Variants in TLL1 observed in about 807,000 individuals in gnomAD.
The protein encoded by TLL1 is tolloid-like protein 1.
In TLL1, 49 loss-of-function variants were observed where a neutral mutation model predicts 128.2. The observed-to-expected ratio is 0.38, with a 90% CI of 0.30 to 0.48. The LOEUF (loss-of-function observed/expected upper bound fraction) is 0.48, where lower values mean the gene tolerates loss of function less well. TLL1 is among the 20% of genes least tolerant of loss of function. The pLI is 0.96. For synonymous variants in TLL1, 454 were observed against 418.8 expected (o/e 1.08, Z -1.03); for missense variants, 1,123 against 1,242.0 (o/e 0.90, Z 1.44).
chr4:166,026,666 G>A (rs1276151699), intron 9 of TLL1, among the ~76,000 whole-genome samples: 2 of 151,268 alleles, frequency 1.3e-5, no homozygotes, highest in East Asian at 3.9e-4. Flanking sequence ...CAGCCTGGAC[G>A]ATAAGAGCGA....
chr4:165,877,770 C>G (rs927984785), intron 1 of TLL1, among the ~76,000 whole-genome samples: 1 of 143,396 alleles, frequency 7.0e-6, no homozygotes, highest in African/African-American at 2.9e-5. Flanking sequence ...TCTTTCCCTT[C>G]TTCTTTCTTT....
intron 7 of TLL1, among the ~76,000 whole-genome samples, chr4:166,008,870 G>A (rs1403426353): frequency 1.3e-5 from 2 of 150,926 alleles, no homozygotes; most frequent in African/African-American, 2.4e-5. Flanking sequence ...GGCAAGGTCA[G>A]GAAAAGGGAA....
At chr4:165,877,789 T>C (rs533350709) in intron 1 of TLL1, among the ~76,000 whole-genome samples, 2,860 of 149,272 alleles carry the variant, frequency 0.019, 52 homozygotes, top group South Asian at 0.096. Context: ...TTTTTTTTTT[T>C]CTTTTTTTGT....
intron 1 of TLL1, among the ~76,000 whole-genome samples, chr4:165,898,634 G>C (rs1378939239): frequency 1.3e-5 from 2 of 152,184 alleles, no homozygotes; most frequent in Admixed American, 1.3e-4. Flanking sequence ...TGGTTTGCCA[G>C]TATTTTATTA....
At chr4:166,083,629 G>A (rs975900773) in intron 18 of TLL1, among the ~76,000 whole-genome samples, 1 of 122,756 alleles carries the variant, frequency 8.1e-6, no homozygotes, top group African/African-American at 2.5e-5. Flanking sequence ...ATGTAAGTGT[G>A]ACCATGTAGT....
intron 1 of TLL1, among the ~76,000 whole-genome samples, chr4:165,937,342 CAG>C (rs1208797617): frequency 6.6e-6 from 1 of 152,196 alleles, no homozygotes; most frequent in African/African-American, 2.4e-5. Flanking sequence ...CTCAAGGACA[CAG>C]GGGACATTAG....
intron 8 of TLL1, among the ~76,000 whole-genome samples, chr4:166,016,007 A>T (rs1164885017): frequency 6.6e-6 from 1 of 152,020 alleles, no homozygotes; most frequent in Non-Finnish European, 1.5e-5. Context: ...TGAGTTTTCA[A>T]AAATTTTTTG....
rs368078430 is a variant in TLL1 at position 165,873,875 on chromosome 4, C to G, written c.-30C>G. On this transcript the variant is annotated 5_prime_UTR_variant, in exon 1 of 21. Coordinates refer to ENST00000061240, the MANE Select transcript of TLL1 (RefSeq NM_012464.5). Reference sequence around the variant, plus strand: ...CCGCGGCTGCCTAACCTCTGGGTCCCGTCCCCTCCTTTTCCTCCGGGGGAG... The same window carrying G: ...CCGCGGCTGCCTAACCTCTGGGTCCGGTCCCCTCCTTTTCCTCCGGGGGAG... 253 of 1,612,632 alleles carry G rather than the reference C, an allele frequency of 1.6e-4. No individual in the cohort carries two copies. In the African/African-American group the frequency reaches 2.4e-3, roughly 15 times the overall value.
chr4:166,035,887 T>C (rs554110757), intron 9 of TLL1, among the ~76,000 whole-genome samples: 2 of 152,276 alleles, frequency 1.3e-5, no homozygotes, highest in South Asian at 4.1e-4. Flanking sequence ...CCATGGGTTA[T>C]AGTTTACTGA....
At chr4:166,025,496 A>G (rs1738455753) in intron 9 of TLL1, 65 bp downstream of exon 9, 2 of 1,289,104 alleles carry the variant, frequency 1.6e-6, no homozygotes, top group South Asian at 1.2e-5. Flanking sequence ...TCATCCTTCA[A>G]ATATAAATTT....
chr4:165,989,541 C>A, intron 2 of TLL1, 50 bp downstream of exon 2: 1 of 1,288,320 alleles, frequency 7.8e-7, no homozygotes, highest in Non-Finnish European at 1.1e-6. Context: ...AGAAAATATA[C>A]TCTTGAAGTG....
chr4:165,943,443 A>G (rs186522132), intron 1 of TLL1, among the ~76,000 whole-genome samples: 8 of 152,044 alleles, frequency 5.3e-5, no homozygotes, highest in Admixed American at 1.3e-4. Flanking sequence ...AATATTTTAT[A>G]TTTTTTATTT....
At chr4:166,005,733 T>C (rs6848520) in intron 6 of TLL1, among the ~76,000 whole-genome samples, 78,327 of 151,590 alleles carry the variant, frequency 0.52, 21,444 homozygotes, top group African/African-American at 0.71. Flanking sequence ...TTCGTGTTTT[T>C]TATTTGCCAA....
intron 1 of TLL1, among the ~76,000 whole-genome samples, chr4:165,939,120 T>C (rs1733888289): frequency 6.6e-6 from 1 of 152,094 alleles, no homozygotes; most frequent in Non-Finnish European, 1.5e-5. Flanking sequence ...TGTGCATGGA[T>C]GGATCTTGCA....
At chr4:165,935,482 G>A (rs1733721415) in intron 1 of TLL1, among the ~76,000 whole-genome samples, 2 of 152,042 alleles carry the variant, frequency 1.3e-5, no homozygotes, top group Admixed American at 1.3e-4. Flanking sequence ...CTCAGATGGA[G>A]GAAAACAAAT....
intron 16 of TLL1, among the ~76,000 whole-genome samples, chr4:166,072,561 GTTACTA>G (rs1485295460): frequency 6.6e-6 from 1 of 151,032 alleles, no homozygotes; most frequent in Non-Finnish European, 1.5e-5. Flanking sequence ...TCTCTCTTTA[GTTACTA>G]TTACTATAGG....
intron 8 of TLL1, among the ~76,000 whole-genome samples, chr4:166,019,410 T>C (rs1738109138): frequency 6.6e-6 from 1 of 152,060 alleles, no homozygotes; most frequent in African/African-American, 2.4e-5. Flanking sequence ...ATGTACTCTT[T>C]GTATCTAAAA....
intron 7 of TLL1, among the ~76,000 whole-genome samples, chr4:166,011,500 G>A (rs1213313279): frequency 6.6e-6 from 1 of 151,434 alleles, no homozygotes; most frequent in Non-Finnish European, 1.5e-5. Context: ...TGCTTAATTC[G>A]TTGACTGGTT....
At chr4:165,975,146 G>C (rs1380426649) in intron 1 of TLL1, among the ~76,000 whole-genome samples, 2 of 152,168 alleles carry the variant, frequency 1.3e-5, no homozygotes, top group Non-Finnish European at 2.9e-5. Context: ...CACAGGAAGT[G>C]GGTTTGGCGA....
Sources: allele counts gnomAD v4.1 joint callset (sites outside exome capture counted in the v4.1 genomes callset), GRCh38; gene constraint gnomAD v4.1.1; transcripts MANE v1.5; gene names NCBI Gene and HGNC (gene_info 2026-07-23, HGNC 2026-07-21).